KIAA1217: variants seen among roughly 807,000 people sequenced by gnomAD.
The protein encoded by KIAA1217 is KIAA1217.
In KIAA1217, 88 loss-of-function variants were observed where a neutral mutation model predicts 163.9. The ratio of observed to expected loss-of-function variants is 0.54; its 90% CI spans 0.45 to 0.64. The LOEUF is 0.64. Among genes scored for constraint, KIAA1217 ranks in the 30% least tolerant of loss-of-function variants. KIAA1217 has a pLI of 0.00. For synonymous variants in KIAA1217, 903 were observed against 923.1 expected (o/e 0.98, Z 0.39); for missense variants, 2,372 against 2,475.0 (o/e 0.96, Z 0.88).
In KIAA1217 at chr10:24,464,320, A is replaced by G. The variant is rs563531334; in HGVS notation, c.847-8908A>G. ...CATGCTACAGACAGTGCCCTGGAGC[A>G]TTTTGAAAGTGAAAGGAAATTGCTG... On this transcript the variant is annotated intron_variant, in intron 5 of 20. Transcript: ENST00000376454. Among the ~76,000 whole-genome samples, 9 of 152,296 alleles carry G rather than the reference A, an allele frequency of 5.9e-5. No individual in the cohort carries two copies. In the East Asian group the frequency reaches 1.7e-3, roughly 29 times the overall value.
At chr10:23,781,670 C>T (rs1265326781) in intron 1 of KIAA1217, among the ~76,000 whole-genome samples, 9 of 152,136 alleles carry the variant, frequency 5.9e-5, no homozygotes, top group Admixed American at 5.9e-4. Flanking sequence ...GAGCTTTTCC[C>T]CTGTGTTTTC....
At chr10:24,243,989 G>A (rs1025582638) in intron 2 of KIAA1217, among the ~76,000 whole-genome samples, 81 of 152,286 alleles carry the variant, frequency 5.3e-4, no homozygotes, top group African/African-American at 1.8e-3. Context: ...GATGGGCTGC[G>A]TGCAGTGACT....
chr10:24,327,029 A>G, intron 2 of KIAA1217, among the ~76,000 whole-genome samples: 1 of 152,206 alleles, frequency 6.6e-6, no homozygotes, highest in East Asian at 1.9e-4. Flanking sequence ...TAGTGTTTTC[A>G]AAACACAGCA....
intron 2 of KIAA1217, among the ~76,000 whole-genome samples, chr10:24,090,736 C>G (rs1359034923): frequency 6.6e-6 from 1 of 151,802 alleles, no homozygotes; most frequent in Non-Finnish European, 1.5e-5. Context: ...AATCGCAGAG[C>G]TGCTTCCTAG....
chr10:24,365,298 C>T (rs1296262590), intron 2 of KIAA1217, among the ~76,000 whole-genome samples: 2 of 152,168 alleles, frequency 1.3e-5, no homozygotes, highest in African/African-American at 4.8e-5. Flanking sequence ...TCCATTACCA[C>T]TTTCCATTCC....
At chr10:24,168,872 A>C (rs1350801214) in intron 2 of KIAA1217, among the ~76,000 whole-genome samples, 3 of 152,228 alleles carry the variant, frequency 2.0e-5, no homozygotes, top group Non-Finnish European at 4.4e-5. Context: ...GAATCTAAAG[A>C]GGCCATTTTT....
intron 1 of KIAA1217, among the ~76,000 whole-genome samples, chr10:23,995,567 G>T (rs148348391): frequency 6.9e-4 from 105 of 151,962 alleles, no homozygotes; most frequent in Admixed American, 1.8e-3. Flanking sequence ...TCCTACTTGA[G>T]TTTTCATTAT....
chr10:23,878,409 T>C (rs1564500500), intron 1 of KIAA1217, among the ~76,000 whole-genome samples: 1 of 151,942 alleles, frequency 6.6e-6, no homozygotes, highest in Non-Finnish European at 1.5e-5. Context: ...AGGGATTTGT[T>C]TGCTAGGATA....
At chr10:24,522,029 G>A (rs1564852816) in intron 12 of KIAA1217, 100 bp downstream of exon 12, 18 of 1,344,866 alleles carry the variant, frequency 1.3e-5, no homozygotes, top group Admixed American at 4.6e-5. Context: ...ATGCTCCCAG[G>A]ACACATCCAG....
At chr10:23,834,062 C>T (rs1838334929) in intron 1 of KIAA1217, among the ~76,000 whole-genome samples, 1 of 151,942 alleles carries the variant, frequency 6.6e-6, no homozygotes, top group African/African-American at 2.4e-5. Flanking sequence ...ATTCATGTTC[C>T]TACTGTTGAT....
At chr10:23,909,164 G>T (rs751222880) in intron 1 of KIAA1217, among the ~76,000 whole-genome samples, 2 of 152,040 alleles carry the variant, frequency 1.3e-5, no homozygotes, top group Non-Finnish European at 1.5e-5. Flanking sequence ...AGGATTCAAA[G>T]GCATAAGAAT....
At chr10:23,886,611 C>A (rs571349295) in intron 1 of KIAA1217, among the ~76,000 whole-genome samples, 2 of 152,076 alleles carry the variant, frequency 1.3e-5, no homozygotes, top group South Asian at 4.1e-4. Context: ...GAAAACCCAG[C>A]AACTGACTTA....
At chr10:24,536,715 C>A in intron 16 of KIAA1217, 59 bp from the exon 17 acceptor site, 1 of 1,573,566 alleles carries the variant, frequency 6.4e-7, no homozygotes. Context: ...CTGCCTGTTT[C>A]CCTCCATTCT....
At position 24,403,143 on chromosome 10, in the gene KIAA1217, A is replaced by G. The variant is rs79090781; in HGVS notation, c.553+22076A>G. Reference sequence around the variant, plus strand: ...GCAGAAGGTATTATTCAGGAACTGTAGCATTGTGAAGATTTCTTAGACGTG... The same window carrying G: ...GCAGAAGGTATTATTCAGGAACTGTGGCATTGTGAAGATTTCTTAGACGTG... On this transcript the variant is annotated intron_variant, in intron 3 of 20. Coordinates refer to ENST00000376454, the MANE Select transcript of KIAA1217 (RefSeq NM_019590.5). Among the ~76,000 whole-genome samples the G allele has an allele frequency of 3.9e-3, 588 of 152,356 alleles. 1 individual carries two copies. Among genetic ancestry groups the G allele is most frequent in the Non-Finnish European group, 6.6e-3 (451 of 68,030 alleles).
chr10:23,700,332 G>A lies in KIAA1217; in HGVS notation c.-321+5098G>A, dbSNP rs534338064. ...TCCTGGCAGCCGAGACCAAGCTGCA[G>A]TCATATCCCTGAATTATTGCAGTGA... is the stretch of plus-strand genomic sequence containing the variant. On this transcript the variant is annotated intron_variant, in intron 1 of 18. Transcript: ENST00000376462. Among the ~76,000 whole-genome samples the A allele has an allele frequency of 3.2e-3, 492 of 152,156 alleles. 1 individual carries two copies. The highest frequency in any genetic ancestry group is 7.8e-3 in the Admixed American group (120 of 15,288).
At chr10:24,356,588 C>T (rs1046752212) in intron 2 of KIAA1217, among the ~76,000 whole-genome samples, 8 of 152,184 alleles carry the variant, frequency 5.3e-5, no homozygotes, top group Admixed American at 5.2e-4. Context: ...GAGTTGGGAC[C>T]TATAAGAGGT....
chr10:24,453,789 G>T (rs1272901612), intron 5 of KIAA1217, among the ~76,000 whole-genome samples: 2 of 152,098 alleles, frequency 1.3e-5, no homozygotes, highest in Non-Finnish European at 2.9e-5. Context: ...AATGAATGTT[G>T]GAAAGACTGG....
At chr10:23,972,811 C>T (rs1845372827) in intron 1 of KIAA1217, among the ~76,000 whole-genome samples, 1 of 152,118 alleles carries the variant, frequency 6.6e-6, no homozygotes, top group South Asian at 2.1e-4. Context: ...TTTGCAGGGA[C>T]ATGGATGAAG....
rs76657848 is a variant in KIAA1217, at chr10:24,304,589, A to G, written c.355-76280A>G. Among the ~76,000 whole-genome samples the G allele has an allele frequency of 1.0e-2, 1,519 of 151,916 alleles. 31 individuals carry two copies. The highest frequency in any genetic ancestry group is 0.083 in the East Asian group (429 of 5,142). On this transcript the variant is annotated intron_variant, in intron 2 of 20. Coordinates refer to ENST00000376454, the MANE Select transcript of KIAA1217 (RefSeq NM_019590.5). ...ACTCCTGGCCTCAAGTGCTCCTCCT[A>G]CCTTTAAGTGCTGAGATTACAGGCA...
Sources: gnomAD v4.1 joint callset for allele counts (sites outside exome capture counted in the v4.1 genomes callset) on GRCh38, gnomAD v4.1.1 for gene constraint, MANE v1.5 for transcripts, NCBI Gene and HGNC (gene_info 2026-07-23, HGNC 2026-07-21) for gene names.